TSPOAP1: variants seen among roughly 807,000 people sequenced by gnomAD.
TSPOAP1 encodes the protein peripheral-type benzodiazepine receptor-associated protein 1.
In TSPOAP1, 87 loss-of-function variants were observed where a neutral mutation model predicts 197.0. The ratio of observed to expected loss-of-function variants is 0.44; its 90% CI spans 0.37 to 0.53. The LOEUF is 0.53. Among genes scored for constraint, TSPOAP1 ranks in the 20% least tolerant of loss-of-function variants. TSPOAP1 has a pLI of 0.00. For synonymous variants in TSPOAP1, 913 were observed against 998.9 expected, an observed-to-expected ratio of 0.91 and a Z score of 1.62; for missense variants, 2,174 against 2,411.3, an observed-to-expected ratio of 0.90 and a Z score of 2.06.
Position 58,310,903 on chromosome 17 carries a change from G to T in TSPOAP1, c.3392C>A (p.Pro1131His). The change falls in exon 19 of 32, where the codon CCC becomes CAC. Residue 1131 changes from proline to histidine, a missense_variant. Coordinates refer to ENST00000343736, the MANE Select transcript of TSPOAP1 (RefSeq NM_004758.4). Reference sequence around the variant, plus strand: ...CATCTCTCTGGAAGGGCTTGCAGGGGGTGCTCCTGGAGGCTCTTGAGTTCC... The same window carrying T: ...CATCTCTCTGGAAGGGCTTGCAGGGTGTGCTCCTGGAGGCTCTTGAGTTCC... ...PLGTQEPPGA[P>H]PASPSREMAK... The T allele has an allele frequency of 6.5e-7, 1 of 1,546,220 alleles. No individual in the cohort carries two copies. The highest frequency in any genetic ancestry group is 8.7e-7 in the Non-Finnish European group (1 of 1,151,370).
chr17:58,305,082 C>T lies in TSPOAP1; in HGVS notation c.5523G>A (p.Arg1841=). Residue 1841 remains arginine, a synonymous_variant, in exon 30 of 32, where the codon AGG becomes AGA. Coordinates refer to ENST00000343736, the MANE Select transcript of TSPOAP1 (RefSeq NM_004758.4). ...TGACCTGACTCTCAGCCTGGGGTGTCCTGGGTTCCCTGTCCAGGCCGCCTG... is the reference window on the plus strand; with the variant it reads ...TGACCTGACTCTCAGCCTGGGGTGTTCTGGGTTCCCTGTCCAGGCCGCCTG... ...PEAGGLDREP[R]TPQAESQRTR... is the part of the protein sequence containing the mutation. The T allele has an allele frequency of 6.2e-7, 1 of 1,613,960 alleles. No individual in the cohort carries two copies. The highest frequency in any genetic ancestry group is 1.3e-5 in the African/African-American group (1 of 75,034).
intron 25 of TSPOAP1, 125 bp downstream of exon 25, chr17:58,306,675 C>T (rs1039529710): frequency 4.8e-6 from 6 of 1,259,158 alleles, no homozygotes; most frequent in Non-Finnish European, 5.5e-6. Flanking sequence ...GGGTTCAAGG[C>T]AGGCTCCAAG....
chr17:58,310,078 G>T lies in TSPOAP1; in HGVS notation c.3780C>A (p.Ile1260=), dbSNP rs761195145. The T allele has an allele frequency of 1.9e-5, 31 of 1,613,386 alleles. No individual in the cohort carries two copies. The South Asian group carries it at 3.1e-4, about 16-fold the overall frequency. Residue 1260 remains isoleucine, a synonymous_variant, in exon 21 of 32, where the codon ATC becomes ATA. Transcript: ENST00000343736. ...CCTCCTCCTCTTCCTCTTCCTCCTGGATGTCTGACAGGTCTGAGTTGCGGC... is the reference window on the plus strand; with the variant it reads ...CCTCCTCCTCTTCCTCTTCCTCCTGTATGTCTGACAGGTCTGAGTTGCGGC... The part of the protein sequence containing the change: ...DHGRNSDLSD[I]QEEEEEEEEE...
At position 58,304,071 on chromosome 17, in the gene TSPOAP1, C is replaced by T. The variant is rs1970795522; in HGVS notation, c.*32+267G>A. On this transcript the variant is annotated intron_variant, in intron 31 of 31. Coordinates refer to ENST00000343736, the MANE Select transcript of TSPOAP1 (RefSeq NM_004758.4). The surrounding 1 kb of genome is among the most constrained non-coding windows in gnomAD (Gnocchi z 4.2). ...ACCACATGTGTTATAGAATAGGAAG[C>T]ATCAGCTAATATGGGACATCACACA... 4.5e-6 allele frequency: 2 copies of T among 440,900 alleles called. No homozygotes were observed. The highest frequency in any genetic ancestry group is 3.9e-5 in the African/African-American group (2 of 50,728). The allele number at this position is 440,900 out of a possible 1,614,324, so 27.3% of individuals were successfully genotyped here.
rs1970719541 is a variant in TSPOAP1 at position 58,301,408 on chromosome 17, G to C, written c.*1072C>G. 6.6e-6 allele frequency: 1 copy of C among 152,558 alleles called. No homozygotes were observed. Among genetic ancestry groups the C allele is most frequent in the African/African-American group, 2.4e-5 (1 of 41,420 alleles). 9.5% of individuals were successfully genotyped at this position (152,558 alleles called of 1,614,324 possible). On this transcript the variant is annotated 3_prime_UTR_variant, in exon 32 of 32. Coordinates refer to ENST00000343736, the MANE Select transcript of TSPOAP1 (RefSeq NM_004758.4). ...AGAGGGTGGGGGATGGAGTGGATCG[G>C]GTAACGGCGGAGAACCCCTACCCCA...
At position 58,308,578 on chromosome 17, in the gene TSPOAP1, C is replaced by G; in HGVS notation, c.4694G>C (p.Arg1565Pro). ...WEKGEPERRG[R>P]SATGRAKEPL... ...CTCCTTGGCTCTGCCCGTCGCACTG[C>G]GGCCTCTCCGCTCTGGTTCCCCTTT... The change falls in exon 22 of 32, where the codon CGC (arginine) becomes CCC (proline). Residue 1565 changes from arginine (R) to proline (P), a missense_variant. Arg to Pro is a moderately radical substitution (Grantham distance 103, BLOSUM62 -2). Around this residue, in one of 5 missense-constraint regions of TSPOAP1, gnomAD observed 1,933 missense variants for 2,139.0 expected, o/e 0.90. Coordinates refer to ENST00000343736, the MANE Select transcript of TSPOAP1 (RefSeq NM_004758.4). The G allele has an allele frequency of 1.3e-6, 2 of 1,563,036 alleles. No homozygotes were observed. Among genetic ancestry groups the G allele is most frequent in the Non-Finnish European group, 1.7e-6 (2 of 1,152,284 alleles).
Position 58,326,659 on chromosome 17 carries a change from A to C in TSPOAP1, c.441+24T>G, listed in dbSNP as rs773852361. The C allele has an allele frequency of 3.1e-6, 5 of 1,610,526 alleles. No homozygotes were observed. The highest frequency in any genetic ancestry group is 4.2e-6 in the Non-Finnish European group (5 of 1,176,982). The stretch of plus-strand genomic sequence containing the variant: ...GAGGGCCTGGCTCCAGCCAGAACGC[A>C]GCACCCCAGTCTCCAAGCCTCACCA... On this transcript the variant is annotated intron_variant, in intron 2 of 31. Coordinates refer to ENST00000343736, the MANE Select transcript of TSPOAP1 (RefSeq NM_004758.4). This position sits in a 1 kb window ranked among gnomAD's most constrained non-coding sequence, Gnocchi z 4.7.
intron 15 of TSPOAP1, 74 bp downstream of exon 15, chr17:58,316,351 C>T (rs2143075995): frequency 7.2e-7 from 1 of 1,388,424 alleles, no homozygotes; most frequent in South Asian, 1.3e-5. Flanking sequence ...CAGAGGTCTC[C>T]AGCTCCACCC....
rs1290714676 is a variant in TSPOAP1 at position 58,324,776 on chromosome 17, C to T, written c.942+35G>A. The T allele has an allele frequency of 1.4e-6, 2 of 1,422,818 alleles. No homozygotes were observed. The highest frequency in any genetic ancestry group is 1.5e-5 in the South Asian group (1 of 67,616). The allele number at this position is 1,422,818 out of a possible 1,614,324, so 88.1% of individuals were successfully genotyped here. A position where few individuals can be genotyped will look rare whatever the true frequency, so the allele number is the denominator to read the frequency against. On this transcript the variant is annotated intron_variant, in intron 5 of 31. Transcript: ENST00000343736. This position sits in a 1 kb window ranked among gnomAD's most constrained non-coding sequence, Gnocchi z 5.8. Reference sequence around the variant, plus strand: ...TGGTCGTTCCCCCCACCCATCTGCACGCACCCACACACCTGCCCTTGCGCC... The same window carrying T: ...TGGTCGTTCCCCCCACCCATCTGCATGCACCCACACACCTGCCCTTGCGCC...
rs760760690 is a variant in TSPOAP1 at position 58,306,831 on chromosome 17, A to G, written c.5121T>C (p.Tyr1707=). The change falls in exon 25 of 32, where the codon TAT becomes TAC. Residue 1707 remains tyrosine, a synonymous_variant. Coordinates refer to ENST00000343736, the MANE Select transcript of TSPOAP1 (RefSeq NM_004758.4). ...AGRQQLLQRG[Y]LSPDILLEGS... ...CCTCAAGGAGAATATCTGGGGACAA[A>G]TAACCCCGCTGGAGCAGTTGCTGTC... is the stretch of plus-strand genomic sequence containing the variant. 5.6e-6 allele frequency: 9 copies of G among 1,613,696 alleles called. No homozygotes were observed. In the Admixed American group the frequency reaches 1.3e-4, roughly 24 times the overall value.
chr17:58,304,356 A>T lies in TSPOAP1; in HGVS notation c.*14T>A. 6.2e-7 allele frequency: 1 copy of T among 1,613,862 alleles called. No individual in the cohort carries two copies. The highest frequency in any genetic ancestry group is 8.5e-7 in the Non-Finnish European group (1 of 1,179,742). On this transcript the variant is annotated 3_prime_UTR_variant, in exon 31 of 32. Transcript: ENST00000343736. The surrounding 1 kb of genome is among the most constrained non-coding windows in gnomAD (Gnocchi z 4.2). ...CACTTACATGTTGCTCTCTCTACATATATCTATCTCCATCTAGCACTGGAC... is the reference window on the plus strand; with the variant it reads ...CACTTACATGTTGCTCTCTCTACATTTATCTATCTCCATCTAGCACTGGAC...
rs190069023 is a variant in TSPOAP1, at chr17:58,313,769, G to A, written c.2099-1047C>T. Reference sequence around the variant, plus strand: ...AAAGGAGGAATCTTTAGAGACAAATGAAGTAAGTGCTAGTGAAATAGTCAC... The same window carrying A: ...AAAGGAGGAATCTTTAGAGACAAATAAAGTAAGTGCTAGTGAAATAGTCAC... On this transcript the variant is annotated intron_variant, in intron 16 of 31. Transcript: ENST00000343736. Among the ~76,000 whole-genome samples the A allele has an allele frequency of 1.8e-4, 28 of 152,278 alleles. No individual in the cohort carries two copies. The East Asian group carries it at 5.2e-3, about 28-fold the overall frequency.
Position 58,324,893 on chromosome 17 carries a change from G to T in TSPOAP1, c.860C>A (p.Thr287Lys), listed in dbSNP as rs767349404. ...GGGCCAGGACGGCGGGAGCGGGAGC[G>T]TCTCCCGCTGGTTGCGCAGCGCGAT... ...RQIALRNQRE[T>K]LPLPPSWPPG... The change falls in exon 5 of 32, where the codon ACG (threonine) becomes AAG (lysine). Residue 287 changes from threonine (T) to lysine (K), a missense_variant. Physicochemically the swap from Thr to Lys is moderately conservative, Grantham distance 78. This residue lies in a region of TSPOAP1 where 1,933 missense variants were observed against 2,139.0 expected (regional missense o/e 0.90). Transcript: ENST00000343736. This position sits in a 1 kb window ranked among gnomAD's most constrained non-coding sequence, Gnocchi z 5.8. The T allele has an allele frequency of 2.0e-5, 30 of 1,533,090 alleles. No homozygotes were observed. The South Asian group carries it at 3.5e-4, about 18-fold the overall frequency. 95.0% of individuals were successfully genotyped at this position (1,533,090 alleles called of 1,614,324 possible).
intron 12 of TSPOAP1, 63 bp from the exon 13 acceptor site, chr17:58,319,357 A>C: frequency 1.3e-6 from 2 of 1,492,500 alleles, no homozygotes; most frequent in Non-Finnish European, 1.8e-6. Flanking sequence ...AGCCCGTGCC[A>C]TCTGTACACA....
chr17:58,316,636 T>A, intron 14 of TSPOAP1, 96 bp from the exon 15 acceptor site: 1 of 926,070 alleles, frequency 1.1e-6, no homozygotes, highest in Non-Finnish European at 1.6e-6. Flanking sequence ...CCTATTGCTT[T>A]AAGGAGGGAA....
In TSPOAP1 at chr17:58,320,590, G is replaced by T. The variant is rs773008922; in HGVS notation, c.1423-9C>A. ...TGGGCTTCAGCCTGGGCCTACAGGT[G>T]GGGGGAACCAAAATACTGGAGGGAA... is the stretch of plus-strand genomic sequence containing the variant. On this transcript the variant is annotated splice_polypyrimidine_tract_variant and intron_variant, in intron 10 of 31. Coordinates refer to ENST00000343736, the MANE Select transcript of TSPOAP1 (RefSeq NM_004758.4). 1.1e-5 allele frequency: 16 copies of T among 1,439,676 alleles called. No homozygotes were observed. The highest frequency in any genetic ancestry group is 2.6e-5 in the East Asian group (1 of 38,610). 89.2% of individuals were successfully genotyped at this position (1,439,676 alleles called of 1,614,324 possible).
chr17:58,310,299 C>A (rs766061095), intron 20 of TSPOAP1, 141 bp from the exon 21 acceptor site: 75 of 1,131,360 alleles, frequency 6.6e-5, no homozygotes, highest in Non-Finnish European at 8.7e-5. Flanking sequence ...GGGAGGCACA[C>A]CATGGCTCAG....
rs779415556 is a variant in TSPOAP1 at position 58,310,919 on chromosome 17, C to A, written c.3376G>T (p.Glu1126Ter). 7 of 1,554,090 alleles carry A rather than the reference C, an allele frequency of 4.5e-6. No homozygotes were observed. The African/African-American group carries it at 9.7e-5, about 21-fold the overall frequency. The change falls in exon 19 of 32, where the codon GAG (glutamate) becomes TAG (stop). Residue 1126 changes from glutamate (E) to a stop codon, truncating the protein, a stop_gained. Transcript: ENST00000343736. LOFTEE classifies it high-confidence loss of function. Reference protein sequence around the residue: ...LQHPAPLGTQEPPGAPPASPS... With the variant: ...LQHPAPLGTQ ...CTTGCAGGGGGTGCTCCTGGAGGCT[C>A]TTGAGTTCCAAGGGGAGCAGGGTGC... is the stretch of plus-strand genomic sequence containing the variant.
chr17:58,307,979 C>A, intron 22 of TSPOAP1, 38 bp from the exon 23 acceptor site: 2 of 1,566,964 alleles, frequency 1.3e-6, no homozygotes, highest in Middle Eastern at 1.7e-4. Flanking sequence ...AAGTAACACA[C>A]CATCCCTCTG....
Sources: gnomAD v4.1 joint callset for allele counts (sites outside exome capture counted in the v4.1 genomes callset) on GRCh38, gnomAD v4.1.1 for gene constraint, gnomAD v4.1.1 regional missense constraint, Gnocchi (gnomAD v3.1) non-coding constraint, MANE v1.5 for transcripts, NCBI Gene and HGNC (gene_info 2026-07-23, HGNC 2026-07-21) for gene names.